The following OR1J2 variants were observed in gnomAD, a reference collection of about 807,000 sequenced individuals.
OR1J2 encodes olfactory receptor 1J2.
For synonymous variants in OR1J2, 142 were observed against 99.7 expected, an observed-to-expected ratio of 1.42 and a Z score of -2.52; for missense variants, 304 against 246.1, an observed-to-expected ratio of 1.24 and a Z score of -1.57.
At chr9:122,450,033 ATATT>A in the OR1J2 span, among the ~76,000 whole-genome samples, 1 of 152,176 alleles carries the variant, frequency 6.6e-6, no homozygotes, top group South Asian at 2.1e-4. Flanking sequence ...ATAATTGTAT[ATATT>A]TATGTGGTAC....
At chr9:122,505,946 A>G (rs976918553), upstream of OR1J2, among the ~76,000 whole-genome samples, 14 of 152,106 alleles carry the variant, frequency 9.2e-5, no homozygotes, top group Non-Finnish European at 1.5e-4. Context: ...AAGTTTGTCA[A>G]TGAAACAATA....
chr9:122,453,759 A>G, the OR1J2 span, among the ~76,000 whole-genome samples: 1 of 152,214 alleles, frequency 6.6e-6, no homozygotes, highest in Non-Finnish European at 1.5e-5. Flanking sequence ...ACATTACCAT[A>G]TGCTGTAGTT....
At chr9:122,451,513 AG>A in the OR1J2 span, among the ~76,000 whole-genome samples, 5 of 152,116 alleles carry the variant, frequency 3.3e-5, no homozygotes, top group South Asian at 2.1e-4. Context: ...GCTTCAACAG[AG>A]GTGTTGAGCT....
chr9:122,464,228 C>T, the OR1J2 span, among the ~76,000 whole-genome samples: 1 of 152,130 alleles, frequency 6.6e-6, no homozygotes, highest in Non-Finnish European at 1.5e-5. Context: ...GGGGGAAAGC[C>T]GGCAGTCACA....
the OR1J2 span, among the ~76,000 whole-genome samples, chr9:122,503,624 G>T: frequency 6.6e-6 from 1 of 152,168 alleles, no homozygotes; most frequent in Non-Finnish European, 1.5e-5. Flanking sequence ...ATTGACATAA[G>T]ATATAAAAAC....
the OR1J2 span, among the ~76,000 whole-genome samples, chr9:122,536,311 A>G: frequency 6.6e-6 from 1 of 152,224 alleles, no homozygotes; most frequent in East Asian, 1.9e-4. Context: ...CACCTTTAAA[A>G]ACAGTTCAAT....
the OR1J2 span, among the ~76,000 whole-genome samples, chr9:122,530,809 C>T: frequency 6.6e-6 from 1 of 152,070 alleles, no homozygotes; most frequent in African/African-American, 2.4e-5. Context: ...CCACAAGGTG[C>T]TCAATAGGGG....
At chr9:122,552,749 AGT>A in the OR1J2 span, among the ~76,000 whole-genome samples, 3,216 of 129,604 alleles carry the variant, frequency 0.025, 71 homozygotes, top group South Asian at 0.12. Flanking sequence ...AGAGGGCTTG[AGT>A]GTGTGTGTGT....
At chr9:122,530,896 A>T in the OR1J2 span, among the ~76,000 whole-genome samples, 16 of 152,328 alleles carry the variant, frequency 1.1e-4, 1 homozygote, top group African/African-American at 3.8e-4. Context: ...GGTCATTTTC[A>T]CTTCTTTTGT....
chr9:122,452,301 A>G, the OR1J2 span, among the ~76,000 whole-genome samples: 68 of 152,284 alleles, frequency 4.5e-4, no homozygotes, highest in Middle Eastern at 6.8e-3. Flanking sequence ...GGTAATACCA[A>G]TTGTATCACA....
chr9:122,574,529 A>T, the OR1J2 span, among the ~76,000 whole-genome samples: 7 of 152,112 alleles, frequency 4.6e-5, no homozygotes, highest in Non-Finnish European at 8.8e-5. Context: ...TGGCTTTTGT[A>T]TATTAATCCT....
the OR1J2 span, among the ~76,000 whole-genome samples, chr9:122,531,012 T>A: frequency 1.0e-3 from 159 of 152,312 alleles, no homozygotes; most frequent in African/African-American, 3.8e-3. Context: ...GACATTCCTG[T>A]CTTCTTATAT....
At chr9:122,568,520 A>G in the OR1J2 span, 2 of 1,177,926 alleles carry the variant, frequency 1.7e-6, no homozygotes, top group Non-Finnish European at 2.4e-6. Flanking sequence ...GTCATTTAAC[A>G]TGCTCTGATT....
chr9:122,524,233 G>A, the OR1J2 span, among the ~76,000 whole-genome samples: 2 of 152,196 alleles, frequency 1.3e-5, no homozygotes, highest in Middle Eastern at 6.3e-3. Context: ...TGTAGCCTGG[G>A]AGCATTAGTT....
chr9:122,463,950 A>C, the OR1J2 span, among the ~76,000 whole-genome samples: 1 of 152,198 alleles, frequency 6.6e-6, no homozygotes, highest in Non-Finnish European at 1.5e-5. Context: ...ACATTAGCAC[A>C]TCAGCACATC....
At chr9:122,527,435 TTC>T in the OR1J2 span, 1 of 608,094 alleles carries the variant, frequency 1.6e-6, no homozygotes. Context: ...CCTGCTTCTT[TTC>T]TCTCTTCATC....
the OR1J2 span, among the ~76,000 whole-genome samples, chr9:122,494,480 T>C: frequency 1.3e-5 from 2 of 152,220 alleles, no homozygotes; most frequent in Non-Finnish European, 2.9e-5. Context: ...AAGTTTGTTT[T>C]TTCTGATATA....
At chr9:122,467,606 A>G in the OR1J2 span, among the ~76,000 whole-genome samples, 1 of 152,218 alleles carries the variant, frequency 6.6e-6, no homozygotes, top group Admixed American at 6.5e-5. Context: ...ATTAAAATCC[A>G]GATTAACCTA....
chr9:122,539,621 T>G, the OR1J2 span, among the ~76,000 whole-genome samples: 13 of 152,204 alleles, frequency 8.5e-5, no homozygotes, highest in Non-Finnish European at 1.0e-4. Context: ...ATCCTTTGGG[T>G]ATATACCCAG....
Sources: gnomAD v4.1 joint callset for allele counts (sites outside exome capture counted in the v4.1 genomes callset) on GRCh38, gnomAD v4.1.1 for gene constraint, MANE v1.5 for transcripts, NCBI Gene and HGNC (gene_info 2026-07-23, HGNC 2026-07-21) for gene names.